Variants in NRXN2 observed in about 807,000 individuals in gnomAD.
NRXN2 encodes neurexin 2, also known as neurexin-2-beta.
NRXN2 carries 29 observed loss-of-function variants against 128.8 expected under a neutral mutation model. The ratio of observed to expected loss-of-function variants is 0.23; its 90% confidence interval spans 0.17 to 0.31. The LOEUF (loss-of-function observed/expected upper bound fraction) is 0.31. Ranked by LOEUF, NRXN2 falls within the 10% of genes least tolerant of loss-of-function variation. The pLI is 1.00. For missense variants in NRXN2, 1,881 were observed against 2,452.6 expected, an observed-to-expected ratio of 0.77 and a Z score of 4.92; for synonymous variants, 1,098 against 1,075.2, an observed-to-expected ratio of 1.02 and a Z score of -0.41.
At chr11:64,707,870 G>A (rs2056501570) in intron 2 of NRXN2, among the ~76,000 whole-genome samples, 1 of 152,204 alleles carries the variant, frequency 6.6e-6, no homozygotes, top group African/African-American at 2.4e-5. Context: ...AAGGCAGGCG[G>A]ATCACCTGAG....
At position 64,607,033 on chromosome 11, in the gene NRXN2, G is replaced by C. The variant is rs561591562; in HGVS notation, c.*163C>G. ...CAGTGGACGGCAGGAGGAAGGGGGC[G>C]AGCACGGGGTTTTTCCTTTTCTTTT... On this transcript the variant is annotated 3_prime_UTR_variant, in exon 23 of 23. Coordinates refer to ENST00000265459, the MANE Select transcript of NRXN2 (RefSeq NM_015080.4). 1.4e-6 allele frequency: 1 copy of C among 737,118 alleles called. No individual in the cohort carries two copies. Among genetic ancestry groups the C allele is most frequent in the South Asian group, 1.9e-5 (1 of 51,894 alleles). 45.7% of individuals were successfully genotyped at this position (737,118 alleles called of 1,614,324 possible).
rs1305419332 is a variant in NRXN2 at position 64,631,715 on chromosome 11, AG to A, written c.3586-1143del. Among the ~76,000 whole-genome samples, 12 of 152,054 alleles carry A rather than the reference AG, an allele frequency of 7.9e-5. No homozygotes were observed. The highest frequency in any genetic ancestry group is 7.9e-4 in the Admixed American group (12 of 15,284). On this transcript the variant is annotated intron_variant, in intron 18 of 22. Transcript: ENST00000265459. This position sits in a 1 kb window ranked among gnomAD's most constrained non-coding sequence, Gnocchi z 4.8. ...GTTCTCTCCCTTTGCCCACCAGTCT[AG>A]GAAGACCCTGACTCAAGGAGGTGGG...
At chr11:64,701,764 C>T (rs549554500) in intron 2 of NRXN2, among the ~76,000 whole-genome samples, 16 of 152,264 alleles carry the variant, frequency 1.1e-4, no homozygotes, top group East Asian at 5.8e-4. Context: ...AAGCCCCGTC[C>T]GGGGGGGAAG....
intron 22 of NRXN2, among the ~76,000 whole-genome samples, chr11:64,614,355 G>C (rs1460893579): frequency 6.6e-6 from 1 of 152,208 alleles, no homozygotes; most frequent in Non-Finnish European, 1.5e-5. Flanking sequence ...TGAGGCTTGA[G>C]AACTGTGTCT....
intron 5 of NRXN2, chr11:64,688,425 G>A: frequency 1.0e-6 from 1 of 985,358 alleles, no homozygotes; most frequent in South Asian, 4.7e-5. Context: ...ATGGTGAGGA[G>A]AGAGAGAGAG....
Position 64,607,354 on chromosome 11 carries a change from G to A in NRXN2, c.4981C>T (p.Arg1661Cys). ...LILLYAMYKY[R>C]NRDEGSYQVD... ...TGGTAGGAGCCCTCATCACGATTGC[G>A]GTACTTATACATGGCGTAGAGGAGG... The change falls in exon 23 of 23, where the codon CGC becomes TGC. Residue 1661 changes from arginine to cysteine, a missense_variant. This residue lies in a region of NRXN2 where 63 missense variants were observed against 76.0 expected (regional missense o/e 0.83). Transcript: ENST00000265459. 6.2e-7 allele frequency: 1 copy of A among 1,613,928 alleles called. No homozygotes were observed. Among genetic ancestry groups the A allele is most frequent in the Non-Finnish European group, 8.5e-7 (1 of 1,179,970 alleles).
chr11:64,710,382 A>G (rs1316161706), intron 2 of NRXN2, among the ~76,000 whole-genome samples: 1 of 152,108 alleles, frequency 6.6e-6, no homozygotes, highest in Non-Finnish European at 1.5e-5. Context: ...CAGTTACTCA[A>G]ACACATCTTA....
chr11:64,672,719 A>C (rs1022149811), intron 7 of NRXN2, among the ~76,000 whole-genome samples: 8 of 148,858 alleles, frequency 5.4e-5, no homozygotes, highest in African/African-American at 1.9e-4. Flanking sequence ...AAAGACAAAG[A>C]GGAAGAAAGG....
chr11:64,707,821 T>G (rs1015467399), intron 2 of NRXN2, among the ~76,000 whole-genome samples: 1 of 152,074 alleles, frequency 6.6e-6, no homozygotes, highest in Non-Finnish European at 1.5e-5. Context: ...AGACTGGGTG[T>G]GGTGGCTTAC....
chr11:64,630,273 T>C lies in NRXN2; in HGVS notation c.3757+129A>G, dbSNP rs71579865. ...CGCCTCGCAAGCTTCGTCTCTCCAGTAGCCCCGCCCCAGAGCCGCTTAGCC... is the reference window on the plus strand; with the variant it reads ...CGCCTCGCAAGCTTCGTCTCTCCAGCAGCCCCGCCCCAGAGCCGCTTAGCC... On this transcript the variant is annotated intron_variant, in intron 19 of 22. Coordinates refer to ENST00000265459, the MANE Select transcript of NRXN2 (RefSeq NM_015080.4). This position sits in a 1 kb window ranked among gnomAD's most constrained non-coding sequence, Gnocchi z 4.6. 1,843 of 850,596 alleles carry C rather than the reference T, an allele frequency of 2.2e-3. 27 individuals carry two copies. The African/African-American group carries it at 0.026, about 12-fold the overall frequency. 52.7% of individuals were successfully genotyped at this position (850,596 alleles called of 1,614,324 possible).
At chr11:64,646,633 G>C (rs1279994408) in intron 17 of NRXN2, 2 of 152,224 alleles carry the variant, frequency 1.3e-5, no homozygotes, top group African/African-American at 4.8e-5. Context: ...AAACACAAAG[G>C]CCACTGCCTT....
chr11:64,706,084 TATA>T (rs1417695996), intron 2 of NRXN2, among the ~76,000 whole-genome samples: 5 of 66,768 alleles, frequency 7.5e-5, no homozygotes, highest in African/African-American at 3.1e-4. Flanking sequence ...ATATAATATA[TATA>T]ATATATATTA....
chr11:64,682,396 T>G (rs2052440051), intron 6 of NRXN2, among the ~76,000 whole-genome samples: 1 of 151,404 alleles, frequency 6.6e-6, no homozygotes, highest in South Asian at 2.1e-4. Context: ...ACTCCATCCT[T>G]GGGGACTCCA....
intron 2 of NRXN2, among the ~76,000 whole-genome samples, chr11:64,705,183 A>C (rs1386673395): frequency 6.6e-6 from 1 of 152,158 alleles, no homozygotes; most frequent in African/African-American, 2.4e-5. Context: ...CCTTGTCCCT[A>C]AATAGCCCAA....
intron 11 of NRXN2, chr11:64,655,991 GGTC>G (rs1312192163): frequency 6.6e-6 from 1 of 152,264 alleles, no homozygotes; most frequent in African/African-American, 2.4e-5. Context: ...GAGAGAGCAG[GGTC>G]GTAGTATGAA....
At chr11:64,642,480 C>G in intron 17 of NRXN2, 1 of 1,546,646 alleles carries the variant, frequency 6.5e-7, no homozygotes, top group South Asian at 1.2e-5. Context: ...GCTGCGCACA[C>G]GGGAAGCGCC....
At chr11:64,711,609 C>T (rs572083368) in intron 2 of NRXN2, among the ~76,000 whole-genome samples, 6 of 152,190 alleles carry the variant, frequency 3.9e-5, no homozygotes, top group Middle Eastern at 3.4e-3. Flanking sequence ...GCTGGCCGGA[C>T]CCCTCCCTCC....
In NRXN2 at chr11:64,652,027, C is replaced by T; in HGVS notation, c.2536+8G>A. ...ATGTGTCCACCTCCCTGGGCCCAGA[C>T]CACCTACCCTCCACAGTCACGTTGT... On this transcript the variant is annotated splice_region_variant and intron_variant, in intron 13 of 22. Transcript: ENST00000265459. 6.2e-7 allele frequency: 1 copy of T among 1,610,994 alleles called. No homozygotes were observed. Among genetic ancestry groups the T allele is most frequent in the Non-Finnish European group, 8.5e-7 (1 of 1,179,958 alleles).
At chr11:64,710,478 T>C (rs973420098) in intron 2 of NRXN2, among the ~76,000 whole-genome samples, 2 of 152,190 alleles carry the variant, frequency 1.3e-5, no homozygotes, top group Non-Finnish European at 2.9e-5. Flanking sequence ...TCTCAGGGAA[T>C]GGATACAAAG....
Sources: gnomAD v4.1 joint callset for allele counts (sites outside exome capture counted in the v4.1 genomes callset) on GRCh38, gnomAD v4.1.1 for gene constraint, gnomAD v4.1.1 regional missense constraint, Gnocchi (gnomAD v3.1) non-coding constraint, MANE v1.5 for transcripts, NCBI Gene and HGNC (gene_info 2026-07-23, HGNC 2026-07-21) for gene names.